Variants in WBP1L observed in about 807,000 individuals in gnomAD.
WBP1L encodes WW domain binding protein 1-like.
A neutral mutation model predicts 33.7 loss-of-function variants in WBP1L; 17 were observed. The ratio of observed to expected loss-of-function variants is 0.50; its 90% CI spans 0.34 to 0.76. The LOEUF is 0.76. Among genes scored for constraint, WBP1L ranks in the 30% least tolerant of loss-of-function variants. The pLI, the probability that WBP1L is intolerant of heterozygous loss-of-function variation, is 0.01. For missense variants in WBP1L, 389 were observed against 469.4 expected (o/e 0.83, Z 1.58); for synonymous variants, 173 against 190.8 (o/e 0.91, Z 0.77).
At chr10:102,768,145 A>G (rs1042663320) in intron 1 of WBP1L, among the ~76,000 whole-genome samples, 1 of 152,090 alleles carries the variant, frequency 6.6e-6, no homozygotes, top group South Asian at 2.1e-4. Flanking sequence ...ATCTCGGCTC[A>G]CTGCAACCTC....
In WBP1L at chr10:102,744,097, T is replaced by A. The variant is rs1212463225; in HGVS notation, c.44T>A (p.Leu15His). 6 of 1,550,748 alleles carry A rather than the reference T, an allele frequency of 3.9e-6. No homozygotes were observed. The Admixed American group carries it at 9.8e-5, about 25-fold the overall frequency. ...CTGGGTGGCATGGCGCTCCTGCTCC[T>A]CCAGGCGCTGCCCAGCCCCTTGTCA... ...RLLGGMALLL[L>H]QALPSPLSAR... is the part of the protein sequence containing the mutation. The change falls in exon 1 of 4, where the codon CTC becomes CAC. Residue 15 changes from leucine (L) to histidine (H), a missense_variant. Leu to His is a moderately conservative substitution (Grantham distance 99). Transcript: ENST00000448841.
chr10:102,788,640 T>C (rs866267413), intron 1 of WBP1L, among the ~76,000 whole-genome samples: 1 of 152,182 alleles, frequency 6.6e-6, no homozygotes, highest in South Asian at 2.1e-4. Context: ...AACTGCGTTA[T>C]CCTTTAGCTA....
intron 1 of WBP1L, among the ~76,000 whole-genome samples, chr10:102,751,343 G>A (rs1326743897): frequency 2.2e-5 from 3 of 135,882 alleles, no homozygotes; most frequent in African/African-American, 5.6e-5. Flanking sequence ...TTTGAGACAC[G>A]ATCTCCCTCT....
chr10:102,755,986 A>G (rs1222168743), intron 1 of WBP1L, among the ~76,000 whole-genome samples: 1 of 152,096 alleles, frequency 6.6e-6, no homozygotes. Context: ...CAGAGCTTGC[A>G]GCGAGCCAAG....
chr10:102,783,232 T>C (rs1843362731), intron 1 of WBP1L, among the ~76,000 whole-genome samples: 1 of 152,162 alleles, frequency 6.6e-6, no homozygotes, highest in Admixed American at 6.5e-5. Flanking sequence ...TGTGCTGGGT[T>C]ACTGTAAACC....
intron 1 of WBP1L, among the ~76,000 whole-genome samples, chr10:102,781,505 C>T (rs1172134433): frequency 2.0e-5 from 3 of 152,066 alleles, no homozygotes; most frequent in Non-Finnish European, 2.9e-5. Flanking sequence ...TCTGTCTGCC[C>T]CTGCCCGTTG....
Position 102,813,049 on chromosome 10 carries a change from C to T in WBP1L, c.810C>T (p.Asp270=). Residue 270 remains aspartate, a synonymous_variant, in exon 4 of 4, where the codon GAC becomes GAT. Coordinates refer to ENST00000448841, the MANE Select transcript of WBP1L (RefSeq NM_001083913.2). ...TPGRHRRFTG[D]SGIEVCVCNR... ...GGAGACATCGCCGCTTCACAGGTGA[C>T]TCGGGCATTGAAGTGTGTGTGTGCA... is the stretch of plus-strand genomic sequence containing the variant. 1 of 1,613,772 alleles carries T rather than the reference C, an allele frequency of 6.2e-7. No individual in the cohort carries two copies. Among genetic ancestry groups the T allele is most frequent in the Non-Finnish European group, 8.5e-7 (1 of 1,180,034 alleles).
chr10:102,802,426 G>C (rs972113214), intron 2 of WBP1L, among the ~76,000 whole-genome samples: 2 of 150,178 alleles, frequency 1.3e-5, no homozygotes, highest in African/African-American at 4.9e-5. Context: ...GTTAGCAAGA[G>C]CTCAGTAAAT....
At chr10:102,753,894 T>G (rs994599436) in intron 1 of WBP1L, among the ~76,000 whole-genome samples, 9 of 152,262 alleles carry the variant, frequency 5.9e-5, no homozygotes, top group Admixed American at 5.2e-4. Context: ...AAATGTTATG[T>G]TGTAACACTT....
chr10:102,747,893 G>A (rs1161621776), intron 1 of WBP1L, among the ~76,000 whole-genome samples: 1 of 151,958 alleles, frequency 6.6e-6, no homozygotes, highest in Non-Finnish European at 1.5e-5. Context: ...TTTTAATAGG[G>A]TAACTCAGCC....
intron 1 of WBP1L, among the ~76,000 whole-genome samples, chr10:102,753,757 A>C (rs1448296970): frequency 6.6e-6 from 1 of 152,212 alleles, no homozygotes; most frequent in Admixed American, 6.5e-5. Flanking sequence ...ATTTAACTTA[A>C]ACATTTTTGG....
intron 1 of WBP1L, among the ~76,000 whole-genome samples, chr10:102,787,722 A>G (rs1048823446): frequency 6.6e-6 from 1 of 151,980 alleles, no homozygotes; most frequent in South Asian, 2.1e-4. Flanking sequence ...CTTCTACCCA[A>G]TTTGAAAATG....
At chr10:102,777,953 G>A (rs1338833689) in intron 1 of WBP1L, among the ~76,000 whole-genome samples, 4 of 152,152 alleles carry the variant, frequency 2.6e-5, no homozygotes, top group Admixed American at 2.0e-4. Flanking sequence ...TGGATGAAGC[G>A]TCTCATGCTG....
At chr10:102,787,901 A>C (rs2134051263) in intron 1 of WBP1L, among the ~76,000 whole-genome samples, 1 of 151,032 alleles carries the variant, frequency 6.6e-6, no homozygotes, top group African/African-American at 2.4e-5. Flanking sequence ...AATATGGTGA[A>C]ACCCTGTCTC....
chr10:102,797,168 C>T (rs1843584607), intron 1 of WBP1L, among the ~76,000 whole-genome samples: 1 of 152,152 alleles, frequency 6.6e-6, no homozygotes, highest in Non-Finnish European at 1.5e-5. Context: ...TTGTTGCCCT[C>T]TTTAGGATCA....
rs934798457 is a variant in WBP1L at position 102,763,744 on chromosome 10, A to G, written c.90+19601A>G. On this transcript the variant is annotated intron_variant, in intron 1 of 3. Coordinates refer to ENST00000448841, the MANE Select transcript of WBP1L (RefSeq NM_001083913.2). ...AATATCCTGTTACCAGCTGTATTCC[A>G]GCTGATAGAAGGAGCAGCTAAAATG... Among the ~76,000 whole-genome samples the G allele has an allele frequency of 5.3e-5, 8 of 152,228 alleles. No individual in the cohort carries two copies. The East Asian group carries it at 1.5e-3, about 29-fold the overall frequency.
chr10:102,804,819 A>G (rs533286700), intron 2 of WBP1L, among the ~76,000 whole-genome samples: 3 of 152,300 alleles, frequency 2.0e-5, no homozygotes, highest in South Asian at 2.1e-4. Context: ...ATCTCAATTC[A>G]TTAGTTAGAC....
At chr10:102,798,135 C>T (rs568958989) in intron 2 of WBP1L, 40 bp downstream of exon 2, 1 of 1,545,628 alleles carries the variant, frequency 6.5e-7, no homozygotes, top group African/African-American at 1.4e-5. Context: ...TCCCAGGGTC[C>T]CAGTTACTGC....
At chr10:102,754,827 C>T (rs551832922) in intron 1 of WBP1L, among the ~76,000 whole-genome samples, 63 of 152,258 alleles carry the variant, frequency 4.1e-4, no homozygotes, top group African/African-American at 1.5e-3. Flanking sequence ...GCCTCTGCCT[C>T]CCAAGTAGCT....
Sources: gnomAD v4.1 joint callset for allele counts (sites outside exome capture counted in the v4.1 genomes callset) on GRCh38, gnomAD v4.1.1 for gene constraint, MANE v1.5 for transcripts, NCBI Gene and HGNC (gene_info 2026-07-23, HGNC 2026-07-21) for gene names.